ADAMTSL3: variants seen among roughly 807,000 people sequenced by gnomAD.
ADAMTSL3 encodes ADAMTS-like protein 3.
In ADAMTSL3, 128 loss-of-function variants were observed where a neutral mutation model predicts 201.7. The ratio of observed to expected loss-of-function variants is 0.63; its 90% CI spans 0.55 to 0.73. ADAMTSL3 has a LOEUF of 0.73. Among genes scored for constraint, ADAMTSL3 ranks in the 30% least tolerant of loss-of-function variants. The pLI is 0.00. For missense variants in ADAMTSL3, 1,990 were observed against 2,119.6 expected (o/e 0.94, Z 1.20); for synonymous variants, 738 against 748.4 (o/e 0.99, Z 0.23).
At chr15:83,693,577 T>C (rs185224774) in intron 2 of ADAMTSL3, among the ~76,000 whole-genome samples, 2 of 151,946 alleles carry the variant, frequency 1.3e-5, no homozygotes, top group East Asian at 3.9e-4. Context: ...GTTTAGATAA[T>C]CAGAAAAAAA....
At chr15:83,932,739 G>C (rs879569776) in intron 17 of ADAMTSL3, among the ~76,000 whole-genome samples, 5 of 152,108 alleles carry the variant, frequency 3.3e-5, no homozygotes, top group Non-Finnish European at 7.4e-5. Flanking sequence ...CCTGCAAGGA[G>C]GAATGTATCT....
chr15:83,858,894 A>C, intron 8 of ADAMTSL3, 54 bp downstream of exon 8: 1 of 1,399,748 alleles, frequency 7.1e-7, no homozygotes, highest in South Asian at 1.3e-5. Context: ...TTAGTTAGCC[A>C]AAAAAAACAA....
intron 2 of ADAMTSL3, among the ~76,000 whole-genome samples, chr15:83,659,084 A>G (rs1276400681): frequency 6.6e-6 from 1 of 152,140 alleles, no homozygotes; most frequent in Non-Finnish European, 1.5e-5. Flanking sequence ...GAGGTGCTGT[A>G]CTGTTTAGAT....
intron 8 of ADAMTSL3, among the ~76,000 whole-genome samples, chr15:83,859,077 T>C (rs2064802505): frequency 6.6e-6 from 1 of 152,134 alleles, no homozygotes; most frequent in Non-Finnish European, 1.5e-5. Flanking sequence ...GCAAGGAGAA[T>C]CAAACAGCTC....
chr15:83,753,644 A>G (rs188631304), intron 3 of ADAMTSL3, among the ~76,000 whole-genome samples: 36 of 152,284 alleles, frequency 2.4e-4, no homozygotes, highest in African/African-American at 8.4e-4. Context: ...TGATATCATT[A>G]AACTTGAAAA....
intron 3 of ADAMTSL3, among the ~76,000 whole-genome samples, chr15:83,725,305 A>G (rs928210442): frequency 3.8e-4 from 58 of 152,298 alleles, no homozygotes; most frequent in African/African-American, 2.6e-4. Flanking sequence ...CTGAAGATCA[A>G]TAATGCTGAG....
chr15:83,924,880 C>G (rs1179085805), intron 17 of ADAMTSL3, among the ~76,000 whole-genome samples: 1 of 152,180 alleles, frequency 6.6e-6, no homozygotes, highest in Non-Finnish European at 1.5e-5. Context: ...TCCTGCCTCT[C>G]CTACCTCTTA....
intron 3 of ADAMTSL3, among the ~76,000 whole-genome samples, chr15:83,770,609 C>G (rs1197419071): frequency 6.6e-6 from 1 of 152,122 alleles, no homozygotes; most frequent in Non-Finnish European, 1.5e-5. Context: ...ATTGCTATAT[C>G]TAAGATAGTC....
chr15:83,887,827 G>A (rs1720938122), intron 10 of ADAMTSL3, among the ~76,000 whole-genome samples: 1 of 152,198 alleles, frequency 6.6e-6, no homozygotes, highest in South Asian at 2.1e-4. Context: ...GTGGGCCCAA[G>A]CCATCCTCCC....
At chr15:83,702,652 G>A (rs1228364321) in intron 2 of ADAMTSL3, among the ~76,000 whole-genome samples, 3 of 152,194 alleles carry the variant, frequency 2.0e-5, no homozygotes, top group Admixed American at 6.5e-5. Flanking sequence ...TGTTGAGCCT[G>A]CAACAGAAGT....
At chr15:83,714,857 C>CTCTCTTTCTTT (rs2061987585) in intron 3 of ADAMTSL3, among the ~76,000 whole-genome samples, 1 of 38,100 alleles carries the variant, frequency 2.6e-5, no homozygotes, top group South Asian at 2.6e-3. Context: ...TCTTTCCCTC[C>CTCTCTTTCTTT]CTCCCTCCCT....
chr15:83,715,563 G>C (rs2062005787), intron 3 of ADAMTSL3, among the ~76,000 whole-genome samples: 2 of 152,094 alleles, frequency 1.3e-5, no homozygotes, highest in Non-Finnish European at 2.9e-5. Flanking sequence ...ACCAGGCTTT[G>C]AGCCCCTAGG....
At chr15:83,660,913 A>G (rs1372827191) in intron 2 of ADAMTSL3, among the ~76,000 whole-genome samples, 1 of 149,350 alleles carries the variant, frequency 6.7e-6, no homozygotes, top group Non-Finnish European at 1.5e-5. Context: ...TTATGGTTTT[A>G]GGTCTAACGT....
intron 6 of ADAMTSL3, among the ~76,000 whole-genome samples, chr15:83,822,980 G>A (rs944761172): frequency 2.6e-5 from 4 of 152,024 alleles, no homozygotes; most frequent in African/African-American, 9.7e-5. Context: ...ATCACTCGCG[G>A]TTAGGAGCTG....
At chr15:83,943,231 C>A in intron 19 of ADAMTSL3, 149 bp downstream of exon 19, 1 of 889,550 alleles carries the variant, frequency 1.1e-6, no homozygotes, top group Non-Finnish European at 1.6e-6. Flanking sequence ...CACTCACTCT[C>A]GGGTTTGTGC....
intron 5 of ADAMTSL3, among the ~76,000 whole-genome samples, chr15:83,817,565 A>G (rs1230247826): frequency 1.3e-5 from 2 of 152,238 alleles, no homozygotes; most frequent in African/African-American, 4.8e-5. Context: ...CAAAACCAAA[A>G]TGAAATGGGG....
At chr15:83,924,556 T>C (rs2066213120) in intron 17 of ADAMTSL3, among the ~76,000 whole-genome samples, 1 of 152,260 alleles carries the variant, frequency 6.6e-6, no homozygotes, top group African/African-American at 2.4e-5. Flanking sequence ...CCCCAATGAG[T>C]AGGTGAGGGT....
intron 15 of ADAMTSL3, among the ~76,000 whole-genome samples, chr15:83,903,948 A>AGG (rs1567226141): frequency 0.027 from 2,710 of 102,070 alleles, 610 homozygotes; most frequent in East Asian, 0.077. Flanking sequence ...AAAAAAAGAA[A>AGG]AAAGAAAGAA....
intron 2 of ADAMTSL3, 74 bp downstream of exon 2, chr15:83,655,904 C>A: frequency 7.0e-7 from 1 of 1,429,998 alleles, no homozygotes; most frequent in Non-Finnish European, 9.7e-7. Flanking sequence ...TTGTATACCA[C>A]CTAAGATGTG....
Sources: gnomAD v4.1 joint callset for allele counts (sites outside exome capture counted in the v4.1 genomes callset) on GRCh38, gnomAD v4.1.1 for gene constraint, MANE v1.5 for transcripts, NCBI Gene and HGNC (gene_info 2026-07-23, HGNC 2026-07-21) for gene names.